The following FBXL13 variants were observed in gnomAD, a reference collection of about 807,000 sequenced individuals.
The protein encoded by FBXL13 is F-box and leucine rich repeat protein 13.
A neutral mutation model predicts 83.6 loss-of-function variants in FBXL13; 67 were observed. The observed-to-expected ratio is 0.80, with a 90% CI of 0.66 to 0.98. FBXL13 has a LOEUF of 0.98. FBXL13 is among the 50% of genes least tolerant of loss of function. The pLI, the probability that FBXL13 is intolerant of heterozygous loss-of-function variation, is 0.00. For missense variants in FBXL13, 822 were observed against 866.5 expected (o/e 0.95, Z 0.64); for synonymous variants, 272 against 299.5 (o/e 0.91, Z 0.95).
intron 2 of FBXL13, among the ~76,000 whole-genome samples, chr7:103,042,837 T>G (rs538782209): frequency 6.6e-6 from 1 of 152,332 alleles, no homozygotes; most frequent in Non-Finnish European, 1.5e-5. Context: ...CATTAAAGAC[T>G]TAAATGTAAG....
At chr7:103,032,620 T>C (rs990901154) in intron 2 of FBXL13, among the ~76,000 whole-genome samples, 3 of 152,256 alleles carry the variant, frequency 2.0e-5, no homozygotes, top group Non-Finnish European at 4.4e-5. Context: ...AAAAAAGTTT[T>C]AGTTTTTCCT....
intron 2 of FBXL13, among the ~76,000 whole-genome samples, chr7:103,035,901 C>T (rs1471890467): frequency 6.6e-6 from 1 of 152,154 alleles, no homozygotes; most frequent in Non-Finnish European, 1.5e-5. Context: ...TTATATCCCA[C>T]ATAGTATCAT....
chr7:102,854,407 AT>A (rs1261917832), intron 17 of FBXL13, among the ~76,000 whole-genome samples: 4 of 152,154 alleles, frequency 2.6e-5, no homozygotes, highest in Non-Finnish European at 5.9e-5. Flanking sequence ...GCATTGGGAG[AT>A]ATACCTAATG....
At chr7:102,894,946 G>C (rs1282148715) in intron 11 of FBXL13, among the ~76,000 whole-genome samples, 1 of 152,114 alleles carries the variant, frequency 6.6e-6, no homozygotes, top group African/African-American at 2.4e-5. Context: ...GGCATGCCCT[G>C]AAATTGGCCA....
intron 2 of FBXL13, 31 bp downstream of exon 2, chr7:103,055,613 T>C: frequency 3.0e-6 from 3 of 1,014,160 alleles, no homozygotes; most frequent in Non-Finnish European, 2.6e-6. Flanking sequence ...AAATAAAATA[T>C]TTCCCTATCA....
chr7:102,893,185 A>G (rs1811752789), intron 11 of FBXL13, among the ~76,000 whole-genome samples: 1 of 152,130 alleles, frequency 6.6e-6, no homozygotes, highest in South Asian at 2.1e-4. Context: ...TCTACTTCCA[A>G]TTTGTTCTTG....
In FBXL13 at chr7:102,853,961, A is replaced by G. The variant is rs1163238867; in HGVS notation, c.1719+816T>C. ...GTTCAACCATTGTGGAAGCCAGTGC[A>G]GCGATTCCTTAGGGATCTAGAACTA... On this transcript the variant is annotated intron_variant, in intron 17 of 19. Coordinates refer to ENST00000313221, the Ensembl canonical transcript of FBXL13. Among the ~76,000 whole-genome samples, 5 of 152,292 alleles carry G rather than the reference A, an allele frequency of 3.3e-5. No homozygotes were observed. In the East Asian group the frequency reaches 7.7e-4, roughly 24 times the overall value.
chr7:102,974,181 G>A lies in FBXL13; in HGVS notation c.496-6064C>T, dbSNP rs146817362. On this transcript the variant is annotated intron_variant, in intron 6 of 19. Transcript: ENST00000313221. The stretch of plus-strand genomic sequence containing the variant: ...TGAGGTGGGCGGATCACCAGGTCAG[G>A]AGGTCAAGACTATCCTGGCTAACAC... Among the ~76,000 whole-genome samples the A allele has an allele frequency of 3.1e-3, 468 of 152,296 alleles. 3 individuals are homozygous for A. The highest frequency in any genetic ancestry group is 4.1e-3 in the Non-Finnish European group (276 of 68,016).
intron 10 of FBXL13, among the ~76,000 whole-genome samples, chr7:102,922,255 T>C (rs1404087884): frequency 6.6e-6 from 1 of 151,702 alleles, no homozygotes; most frequent in Non-Finnish European, 1.5e-5. Flanking sequence ...AAAGCAAATA[T>C]AGAATAGTTG....
intron 6 of FBXL13, among the ~76,000 whole-genome samples, chr7:102,974,506 G>A (rs1363730067): frequency 2.0e-5 from 3 of 152,030 alleles, no homozygotes; most frequent in Non-Finnish European, 4.4e-5. Flanking sequence ...GGTCCTAATG[G>A]CCCGCAAATA....
chr7:103,043,255 T>G (rs1328275992), intron 2 of FBXL13, among the ~76,000 whole-genome samples: 10 of 151,976 alleles, frequency 6.6e-5, no homozygotes, highest in Admixed American at 6.6e-4. Context: ...GAAATGCAAA[T>G]CAAAACCACA....
At chr7:103,066,389 G>A (rs1798390888) in intron 1 of FBXL13, among the ~76,000 whole-genome samples, 1 of 151,174 alleles carries the variant, frequency 6.6e-6, no homozygotes, top group Non-Finnish European at 1.5e-5. Flanking sequence ...TATTATGAAT[G>A]TAATTTCTTT....
chr7:103,035,120 T>G (rs560074019), intron 2 of FBXL13, among the ~76,000 whole-genome samples: 1 of 152,112 alleles, frequency 6.6e-6, no homozygotes, highest in South Asian at 2.1e-4. Flanking sequence ...CTGAGTAAAG[T>G]TGGCAGGCAA....
intron 6 of FBXL13, among the ~76,000 whole-genome samples, chr7:102,970,608 C>CAA (rs560792554): frequency 6.6e-6 from 1 of 152,226 alleles, no homozygotes; most frequent in South Asian, 2.1e-4. Context: ...CCTCCAAAAA[C>CAA]AAGCTCCCAA....
intron 4 of FBXL13, 88 bp downstream of exon 5, chr7:103,028,512 T>C (rs932309398): frequency 1.1e-6 from 1 of 913,572 alleles, no homozygotes; most frequent in Non-Finnish European, 1.5e-6. Context: ...ATAGGTTCTC[T>C]AAGTACCCAA....
chr7:102,885,503 A>G (rs1449978694), intron 11 of FBXL13, among the ~76,000 whole-genome samples: 2 of 151,404 alleles, frequency 1.3e-5, no homozygotes, highest in Non-Finnish European at 2.9e-5. Flanking sequence ...AGAATTCTTC[A>G]TATATTCTGG....
intron 2 of FBXL13, among the ~76,000 whole-genome samples, 171 bp downstream of exon 2, chr7:103,055,473 T>C (rs542890038): frequency 6.6e-6 from 1 of 152,320 alleles, no homozygotes; most frequent in Non-Finnish European, 1.5e-5. Context: ...TGAGATCTAG[T>C]GGGCAAATTA....
At chr7:102,981,876 T>C (rs1466392393) in intron 6 of FBXL13, among the ~76,000 whole-genome samples, 1 of 152,212 alleles carries the variant, frequency 6.6e-6, no homozygotes, top group African/African-American at 2.4e-5. Flanking sequence ...ATTCAGTCTA[T>C]AGCAACTATG....
intron 1 of FBXL13, among the ~76,000 whole-genome samples, 173 bp from the exon 2 acceptor site, chr7:103,055,920 C>G (rs895566235): frequency 1.3e-5 from 2 of 151,998 alleles, no homozygotes; most frequent in Admixed American, 1.3e-4. Context: ...AGTTCTTTAG[C>G]GGTGATTTGT....
Sources: allele counts gnomAD v4.1 joint callset (sites outside exome capture counted in the v4.1 genomes callset), GRCh38; gene constraint gnomAD v4.1.1; transcripts MANE v1.5; gene names NCBI Gene and HGNC (gene_info 2026-07-23, HGNC 2026-07-21).